The following PGCKA1 variants were observed in gnomAD, a reference collection of about 807,000 sequenced individuals.
PGCKA1 encodes the protein PDCD10 and GCKIII kinases-associated protein 1.
At chr4:37,513,104 AAGAAAGAAAG>A in the PGCKA1 span, among the ~76,000 whole-genome samples, 9 of 140,810 alleles carry the variant, frequency 6.4e-5, no homozygotes, top group East Asian at 4.1e-4. Flanking sequence ...AAAAAAAAGA[AAGAAAGAAAG>A]AAAGAAAGAA....
chr4:37,514,257 G>A, the PGCKA1 span, among the ~76,000 whole-genome samples: 3,845 of 152,212 alleles, frequency 0.025, 82 homozygotes, highest in Non-Finnish European at 0.037. Flanking sequence ...CTACCCATAC[G>A]ATGGAGCACT....
the PGCKA1 span, among the ~76,000 whole-genome samples, chr4:37,497,426 C>T: frequency 6.6e-6 from 1 of 152,090 alleles, no homozygotes; most frequent in South Asian, 2.1e-4. Flanking sequence ...CGAATAATGA[C>T]TTCTTTTCTA....
At chr4:37,566,263 G>GTTCTTTTTTTT in the PGCKA1 span, among the ~76,000 whole-genome samples, 1 of 150,080 alleles carries the variant, frequency 6.7e-6, no homozygotes, top group Non-Finnish European at 1.5e-5. Context: ...TTCTTTTTTT[G>GTTCTTTTTTTT]TTCTTTTTTT....
the PGCKA1 span, among the ~76,000 whole-genome samples, chr4:37,475,646 A>G: frequency 5.9e-5 from 9 of 152,144 alleles, no homozygotes; most frequent in African/African-American, 4.8e-5. Flanking sequence ...AGTTATTTAG[A>G]ATATCAGTCC....
chr4:37,477,065 T>C, the PGCKA1 span, among the ~76,000 whole-genome samples: 5 of 152,136 alleles, frequency 3.3e-5, no homozygotes, highest in Admixed American at 3.3e-4. Context: ...GAAAAAAACA[T>C]ACGTTTATGT....
At chr4:37,540,996 G>A in the PGCKA1 span, among the ~76,000 whole-genome samples, 1 of 149,078 alleles carries the variant, frequency 6.7e-6, no homozygotes, top group Admixed American at 6.7e-5. Context: ...CAAACAGCCC[G>A]TCCACTCTGT....
the PGCKA1 span, among the ~76,000 whole-genome samples, chr4:37,509,829 GGC>G: frequency 1.6e-4 from 25 of 151,600 alleles, 1 homozygote; most frequent in Admixed American, 1.6e-3. Context: ...CAGGCGTGGC[GGC>G]GCGCGCCTGC....
chr4:37,455,630 A>AG, the PGCKA1 span, among the ~76,000 whole-genome samples: 1 of 152,210 alleles, frequency 6.6e-6, no homozygotes, highest in African/African-American at 2.4e-5. Context: ...TGTTTCAAAG[A>AG]GCTTTTTGGA....
At chr4:37,585,739 G>A in the PGCKA1 span, among the ~76,000 whole-genome samples, 1 of 152,000 alleles carries the variant, frequency 6.6e-6, no homozygotes, top group East Asian at 1.9e-4. Flanking sequence ...AGGAGGAGTA[G>A]AGGCTGGGAA....
At chr4:37,462,341 C>T in the PGCKA1 span, among the ~76,000 whole-genome samples, 1 of 152,324 alleles carries the variant, frequency 6.6e-6, no homozygotes, top group Non-Finnish European at 1.5e-5. Context: ...TGAACCCAGG[C>T]CTGCTGGCTC....
the PGCKA1 span, among the ~76,000 whole-genome samples, chr4:37,486,195 C>T: frequency 9.4e-3 from 1,436 of 152,196 alleles, 22 homozygotes; most frequent in African/African-American, 0.033. Context: ...TCATTTTATC[C>T]ATCTAAGCTG....
chr4:37,590,979 A>C, the PGCKA1 span: 1 of 1,612,550 alleles, frequency 6.2e-7, no homozygotes, highest in Non-Finnish European at 8.5e-7. Context: ...CTGCAGGAGA[A>C]GATTTGGATG....
At chr4:37,470,426 G>C in the PGCKA1 span, among the ~76,000 whole-genome samples, 3 of 71,164 alleles carry the variant, frequency 4.2e-5, no homozygotes, top group Admixed American at 2.0e-4. Flanking sequence ...TCATTTGTTT[G>C]CTTTGGGTGG....
the PGCKA1 span, among the ~76,000 whole-genome samples, chr4:37,570,294 G>A: frequency 2.6e-5 from 4 of 151,304 alleles, no homozygotes; most frequent in African/African-American, 7.3e-5. Context: ...CACCGCGCCC[G>A]GCTGTCTGCA....
At chr4:37,480,036 G>A in the PGCKA1 span, among the ~76,000 whole-genome samples, 1 of 152,144 alleles carries the variant, frequency 6.6e-6, no homozygotes, top group African/African-American at 2.4e-5. Context: ...GTTTCAGTGG[G>A]GAATCAGATA....
chr4:37,454,274 G>A, the PGCKA1 span, among the ~76,000 whole-genome samples: 1 of 152,176 alleles, frequency 6.6e-6, no homozygotes, highest in Non-Finnish European at 1.5e-5. Flanking sequence ...TCGGGTGGGG[G>A]GAGGCGGACT....
the PGCKA1 span, among the ~76,000 whole-genome samples, chr4:37,502,943 G>A: frequency 6.6e-6 from 1 of 152,096 alleles, no homozygotes; most frequent in Non-Finnish European, 1.5e-5. Context: ...TGTCTGATGG[G>A]CAAGACCACC....
the PGCKA1 span, among the ~76,000 whole-genome samples, chr4:37,482,894 A>C: frequency 1.3e-5 from 2 of 152,190 alleles, no homozygotes; most frequent in East Asian, 3.9e-4. Context: ...GGAATGAGTT[A>C]AGACTTTGAG....
chr4:37,459,490 T>C, the PGCKA1 span, among the ~76,000 whole-genome samples: 1 of 152,236 alleles, frequency 6.6e-6, no homozygotes, highest in Non-Finnish European at 1.5e-5. Context: ...TAAAACCTAA[T>C]CAAGATGACA....
Sources: allele counts gnomAD v4.1 joint callset (sites outside exome capture counted in the v4.1 genomes callset), GRCh38; gene constraint gnomAD v4.1.1; transcripts MANE v1.5; gene names NCBI Gene and HGNC (gene_info 2026-07-23, HGNC 2026-07-21).